SYNPO: variants seen among roughly 807,000 people sequenced by gnomAD.
The protein encoded by SYNPO is synaptopodin.
SYNPO carries 19 observed loss-of-function variants against 49.5 expected under a neutral mutation model. The ratio of observed to expected loss-of-function variants is 0.38; its 90% CI spans 0.27 to 0.56. The LOEUF is 0.56. Among genes scored for constraint, SYNPO ranks in the 20% least tolerant of loss-of-function variants. The pLI is 0.68. For missense variants in SYNPO, 1,131 were observed against 1,248.3 expected (o/e 0.91, Z 1.42); for synonymous variants, 536 against 548.0 (o/e 0.98, Z 0.31).
intron 2 of SYNPO, among the ~76,000 whole-genome samples, chr5:150,627,656 G>A (rs1014567206): frequency 2.0e-5 from 3 of 152,186 alleles, no homozygotes; most frequent in Non-Finnish European, 2.9e-5. Flanking sequence ...GGGGGCTACC[G>A]GGGGTTGGTG....
At chr5:150,591,357 C>T in the SYNPO span, among the ~76,000 whole-genome samples, 1 of 152,212 alleles carries the variant, frequency 6.6e-6, no homozygotes, top group African/African-American at 2.4e-5. Context: ...ACCTCTCCCC[C>T]AGAACTGCAG....
chr5:150,647,841 T>C, intron 1 of SYNPO, 103 bp from the exon 2 acceptor site: 4 of 1,026,908 alleles, frequency 3.9e-6, no homozygotes, highest in Non-Finnish European at 5.7e-6. Context: ...AGAGATCCTG[T>C]GTAGGAAGGG....
upstream of SYNPO, among the ~76,000 whole-genome samples, chr5:150,636,116 C>T (rs759152136): frequency 2.0e-5 from 3 of 151,994 alleles, no homozygotes; most frequent in Non-Finnish European, 4.4e-5. Flanking sequence ...AATCTGTTTC[C>T]CTTCATGCCT....
At chr5:150,618,117 G>A in exon 2 of SYNPO, 1 of 446,280 alleles carries the variant, frequency 2.2e-6, no homozygotes, top group South Asian at 5.0e-5. Context: ...CCCCAAAGCG[G>A]CCTCACACCA....
chr5:150,634,677 C>T (rs1299426110), intron 2 of SYNPO, among the ~76,000 whole-genome samples: 3 of 151,900 alleles, frequency 2.0e-5, no homozygotes, highest in South Asian at 2.1e-4. Flanking sequence ...TAAAATTAGC[C>T]GGGTGTGGTG....
At chr5:150,611,614 G>A (rs536968535) in intron 1 of SYNPO, among the ~76,000 whole-genome samples, 1 of 152,342 alleles carries the variant, frequency 6.6e-6, no homozygotes, top group Admixed American at 6.5e-5. Context: ...GGGCAGAAAT[G>A]GAGGGAGGAC....
At chr5:150,611,686 C>G (rs1560658) in intron 1 of SYNPO, among the ~76,000 whole-genome samples, 1 of 151,988 alleles carries the variant, frequency 6.6e-6, no homozygotes, top group African/African-American at 2.4e-5. Flanking sequence ...TACTGATGGC[C>G]GCTGAGGAAG....
chr5:150,618,495 A>T, exon 2 of SYNPO: 1 of 1,551,498 alleles, frequency 6.4e-7, no homozygotes, highest in Non-Finnish European at 8.7e-7. Flanking sequence ...AGCAGCGGTG[A>T]GGAGGGCCTG....
chr5:150,606,564 T>C (rs1020193214), intron 1 of SYNPO, among the ~76,000 whole-genome samples: 1 of 152,250 alleles, frequency 6.6e-6, no homozygotes, highest in Non-Finnish European at 1.5e-5. Context: ...CCCAGAGCAC[T>C]GGGCTCTTGC....
At chr5:150,596,228 G>A (rs1451867387), upstream of SYNPO, among the ~76,000 whole-genome samples, 2 of 152,190 alleles carry the variant, frequency 1.3e-5, no homozygotes, top group East Asian at 1.9e-4. Context: ...GGGGGAGGGG[G>A]TCACCCTGCC....
chr5:150,616,832 C>G (rs762653964), intron 1 of SYNPO, among the ~76,000 whole-genome samples: 4 of 152,092 alleles, frequency 2.6e-5, no homozygotes, highest in Non-Finnish European at 4.4e-5. Flanking sequence ...TCCCATCTAC[C>G]CCCTCCTCAC....
At chr5:150,652,546 C>T in intron 2 of SYNPO, 1 of 373,512 alleles carries the variant, frequency 2.7e-6, no homozygotes, top group Non-Finnish European at 3.7e-6. Flanking sequence ...TTCCTCTCTA[C>T]AGCACTCAGG....
intron 2 of SYNPO, chr5:150,618,817 C>A (rs967591685): frequency 3.1e-5 from 48 of 1,548,048 alleles, no homozygotes; most frequent in Non-Finnish European, 4.0e-5. Context: ...CTGGAGACCC[C>A]CCAGGTCCTT....
Position 150,647,954 on chromosome 5 carries a change from G to C in SYNPO, c.-322G>C. On this transcript the variant is annotated 5_prime_UTR_variant, in exon 2 of 3. Transcript: ENST00000307662. ...TGTCCCTCCCTGTAGCGTTGGGCCG[G>C]AGCACTAGCCTCACGGAGAAGGATC... is the stretch of plus-strand genomic sequence containing the variant. The C allele has an allele frequency of 6.4e-7, 1 of 1,551,578 alleles. No homozygotes were observed. Among genetic ancestry groups the C allele is most frequent in the Non-Finnish European group, 8.7e-7 (1 of 1,146,782 alleles).
intron 2 of SYNPO, among the ~76,000 whole-genome samples, chr5:150,635,091 G>A (rs555640563): frequency 4.6e-5 from 7 of 152,348 alleles, no homozygotes; most frequent in South Asian, 2.1e-4. Context: ...ACCTGAAGAC[G>A]GGGCAGGCTG....
Position 150,656,914 on chromosome 5 carries a change from A to T in SYNPO, c.2539A>T (p.Arg847Trp), listed in dbSNP as rs1433620248. Reference sequence around the variant, plus strand: ...CCGGAGCCCGCTGCCCGCGCCTCCCAGGCCCTTCCTCTACCGCCGCTCGCC... The same window carrying T: ...CCGGAGCCCGCTGCCCGCGCCTCCCTGGCCCTTCCTCTACCGCCGCTCGCC... ...SPRSPLPAPP[R>W]PFLYRRSPTD... Residue 847 changes from arginine to tryptophan, a missense_variant, in exon 3 of 3, where the codon AGG (arginine) becomes TGG (tryptophan). By Grantham distance (101) the Arg-to-Trp change is moderately radical. Around this residue, in one of 4 missense-constraint regions of SYNPO, gnomAD observed 509 missense variants for 484.5 expected, o/e 1.05. Coordinates refer to ENST00000307662, the MANE Select transcript of SYNPO (RefSeq NM_007286.6). 6.3e-7 allele frequency: 1 copy of T among 1,578,888 alleles called. No individual in the cohort carries two copies. The highest frequency in any genetic ancestry group is 8.6e-7 in the Non-Finnish European group (1 of 1,163,414).
At chr5:150,646,908 G>C (rs1293396895) in intron 1 of SYNPO, among the ~76,000 whole-genome samples, 1 of 152,174 alleles carries the variant, frequency 6.6e-6, no homozygotes, top group Non-Finnish European at 1.5e-5. Flanking sequence ...GAGTGCCACT[G>C]TATGACAGGT....
Position 150,649,589 on chromosome 5 carries a change from C to G in SYNPO, c.1314C>G (p.Asp438Glu). ...SNFQQEPAPR[D>E]RASPAAAEEV... ...TCCAGCAGGAGCCAGCACCTCGTGA[C>G]AGGGCCAGCCCCGCGGCGGCGGAGG... The change falls in exon 2 of 3, where the codon GAC (aspartate) becomes GAG (glutamate). Residue 438 changes from aspartate (D) to glutamate (E), a missense_variant. Asp to Glu is a conservative substitution (Grantham distance 45, BLOSUM62 2). This residue lies in a region of SYNPO where 602 missense variants were observed against 720.7 expected (regional missense o/e 0.84). Transcript: ENST00000307662. The G allele has an allele frequency of 6.2e-7, 1 of 1,610,270 alleles. No homozygotes were observed. Among genetic ancestry groups the G allele is most frequent in the Non-Finnish European group, 8.5e-7 (1 of 1,178,802 alleles).
chr5:150,656,717 G>T lies in SYNPO; in HGVS notation c.2342G>T (p.Arg781Leu), dbSNP rs1338935538. Residue 781 changes from arginine to leucine, a missense_variant, in exon 3 of 3, where the codon CGG (arginine) becomes CTG (leucine). Physicochemically the swap from Arg to Leu is moderately radical, Grantham distance 102 (BLOSUM62 -2). This residue lies in a region of SYNPO where 509 missense variants were observed against 484.5 expected (regional missense o/e 1.05). Transcript: ENST00000307662. ...CGGTCGGCGGGCGCCGAGAACCCGC[G>T]GCCCTTCTCCCCGCCGAGGGCGCCA... ...SPRSAGAENP[R>L]PFSPPRAPPP... The T allele has an allele frequency of 1.4e-6, 2 of 1,399,192 alleles. No individual in the cohort carries two copies. The highest frequency in any genetic ancestry group is 9.3e-7 in the Non-Finnish European group (1 of 1,076,374). 86.7% of individuals were successfully genotyped at this position (1,399,192 alleles called of 1,614,324 possible). A position where few individuals can be genotyped will look rare whatever the true frequency, so the allele number is the denominator to read the frequency against.
Sources: gnomAD v4.1 joint callset for allele counts (sites outside exome capture counted in the v4.1 genomes callset) on GRCh38, gnomAD v4.1.1 for gene constraint, gnomAD v4.1.1 regional missense constraint, MANE v1.5 for transcripts, NCBI Gene and HGNC (gene_info 2026-07-23, HGNC 2026-07-21) for gene names.